CEP85L: variants seen among roughly 807,000 people sequenced by gnomAD.
The protein encoded by CEP85L is centrosomal protein 85L.
Under a neutral mutation model 100.3 loss-of-function variants are expected in CEP85L, and 60 were observed. The observed-to-expected ratio is 0.60, with a 90% CI of 0.49 to 0.74. The LOEUF (loss-of-function observed/expected upper bound fraction) is 0.74, where lower values mean the gene tolerates loss of function less well. Among genes scored for constraint, CEP85L ranks in the 30% least tolerant of loss-of-function variants. The pLI is 0.00. For synonymous variants in CEP85L, 319 were observed against 322.7 expected (o/e 0.99, Z 0.12); for missense variants, 973 against 936.2 (o/e 1.04, Z -0.51).
intron 2 of CEP85L, among the ~76,000 whole-genome samples, chr6:118,594,867 CAAACA>C (rs1562293262): frequency 1.7e-5 from 2 of 118,604 alleles, no homozygotes; most frequent in Non-Finnish European, 3.6e-5. Flanking sequence ...AAAAAAAAAA[CAAACA>C]AAACAAAACA....
chr6:118,542,597 T>C (rs1038394101), intron 3 of CEP85L, among the ~76,000 whole-genome samples: 2 of 152,100 alleles, frequency 1.3e-5, no homozygotes, highest in African/African-American at 2.4e-5. Context: ...AGATTCATTT[T>C]CTGAAAATCA....
chr6:118,501,231 C>T (rs1324536434), intron 5 of CEP85L, among the ~76,000 whole-genome samples: 1 of 152,244 alleles, frequency 6.6e-6, no homozygotes, highest in African/African-American at 2.4e-5. Context: ...TTGCCCATGT[C>T]TGACCAGGCC....
At position 118,491,821 on chromosome 6, in the gene CEP85L, T is replaced by G. The variant is rs1032866902; in HGVS notation, c.1302A>C (p.Glu434Asp). 6.2e-7 allele frequency: 1 copy of G among 1,612,820 alleles called. No homozygotes were observed. Among genetic ancestry groups the G allele is most frequent in the South Asian group, 1.1e-5 (1 of 90,714 alleles). ...CCCCTTGTTGGGAATGGGAAACTGA[T>G]TCCTCTGAAAATGGTGTCTGGAGTG... ...NTSLQTPFSE[E>D]SVSHSQQGEF... Residue 434 changes from glutamate to aspartate, a missense_variant, in exon 6 of 13, where the codon GAA becomes GAC. This residue lies in a region of CEP85L where 890 missense variants were observed against 844.5 expected (regional missense o/e 1.05). Transcript: ENST00000368491.
chr6:118,563,548 G>A (rs1475364677), intron 3 of CEP85L, among the ~76,000 whole-genome samples: 1 of 152,114 alleles, frequency 6.6e-6, no homozygotes, highest in Non-Finnish European at 1.5e-5. Flanking sequence ...CAGACGGCCT[G>A]GTCCTTATTA....
intron 2 of CEP85L, among the ~76,000 whole-genome samples, chr6:118,611,919 C>T (rs1415838651): frequency 2.6e-5 from 4 of 152,154 alleles, no homozygotes; most frequent in Admixed American, 6.5e-5. Context: ...AAACACTCCT[C>T]TTTCAACAAC....
chr6:118,647,091 T>C lies in CEP85L; in HGVS notation c.73+4106A>G, dbSNP rs147999745. The C allele has an allele frequency of 4.9e-4, 487 of 984,536 alleles. 1 individual carries two copies. The African/African-American group carries it at 7.9e-3, about 16-fold the overall frequency. 61.0% of individuals were successfully genotyped at this position (984,536 alleles called of 1,614,324 possible). ...GGTTTAGGCCAGAGTTATGTTTCAT[T>C]GTTACCACAGTATTCCTAGAAGTCC... On this transcript the variant is annotated intron_variant, in intron 1 of 12. Coordinates refer to ENST00000368491, the MANE Select transcript of CEP85L (RefSeq NM_001042475.3).
At chr6:118,490,235 A>G (rs1774467482) in intron 6 of CEP85L, among the ~76,000 whole-genome samples, 1 of 152,212 alleles carries the variant, frequency 6.6e-6, no homozygotes, top group African/African-American at 2.4e-5. Flanking sequence ...CAAAGTTTCA[A>G]TTACATAAAT....
intron 2 of CEP85L, among the ~76,000 whole-genome samples, chr6:118,628,633 CAAAA>C (rs976748987): frequency 6.7e-5 from 7 of 103,852 alleles, no homozygotes; most frequent in African/African-American, 1.5e-4. Context: ...AGACTCCATC[CAAAA>C]AAACAAACAA....
rs142840536 is a variant in CEP85L at position 118,701,067 on chromosome 6, A to T, written c.-28+8969T>A. ...AGAGACATAATCCCAAAGCCACAGG[A>T]TACAAGTCCTCCCATTCAGAGTGAT... On this transcript the variant is annotated intron_variant, in intron 1 of 13. Transcript: ENST00000368488. Among the ~76,000 whole-genome samples the T allele has an allele frequency of 2.9e-3, 438 of 152,310 alleles. 2 individuals are homozygous for T. The highest frequency in any genetic ancestry group is 1.0e-2 in the African/African-American group (415 of 41,574).
intron 2 of CEP85L, among the ~76,000 whole-genome samples, chr6:118,614,698 G>A (rs555507211): frequency 6.6e-6 from 1 of 152,244 alleles, no homozygotes; most frequent in African/African-American, 2.4e-5. Context: ...AAAAAAATTA[G>A]CTGGTGGTGG....
At chr6:118,486,628 G>C (rs25423) in intron 6 of CEP85L, among the ~76,000 whole-genome samples, 108,912 of 152,024 alleles carry the variant, frequency 0.72, 39,792 homozygotes, top group African/African-American at 0.78. Flanking sequence ...GCACTCCCTT[G>C]AAGAACTCAA....
chr6:118,698,087 A>G (rs1261869265), intron 1 of CEP85L, among the ~76,000 whole-genome samples: 2 of 152,158 alleles, frequency 1.3e-5, no homozygotes, highest in Admixed American at 1.3e-4. Context: ...TCTGGGCCCT[A>G]CTCAAAGCTG....
At chr6:118,661,688 T>G (rs1223533057) in intron 1 of CEP85L, among the ~76,000 whole-genome samples, 1 of 152,144 alleles carries the variant, frequency 6.6e-6, no homozygotes, top group Non-Finnish European at 1.5e-5. Context: ...TGTAAATATA[T>G]TATTAGTGGT....
At chr6:118,582,444 A>G (rs1780627617) in intron 2 of CEP85L, among the ~76,000 whole-genome samples, 1 of 152,232 alleles carries the variant, frequency 6.6e-6, no homozygotes, top group Non-Finnish European at 1.5e-5. Context: ...GCAGAAAAAT[A>G]TGGATATAAG....
At chr6:118,634,490 A>T (rs994262399) in intron 1 of CEP85L, among the ~76,000 whole-genome samples, 4 of 152,334 alleles carry the variant, frequency 2.6e-5, no homozygotes, top group African/African-American at 9.6e-5. Context: ...AAGCAGCCTT[A>T]AAAGCCTTAT....
At chr6:118,567,207 GTA>G (rs1423618299) in intron 2 of CEP85L, among the ~76,000 whole-genome samples, 2,902 of 45,604 alleles carry the variant, frequency 0.064, 88 homozygotes, top group African/African-American at 0.2. Context: ...GAATATATAT[GTA>G]TGTGTGTGTG....
chr6:118,469,813 G>A (rs1318317072), intron 11 of CEP85L, among the ~76,000 whole-genome samples: 1 of 152,082 alleles, frequency 6.6e-6, no homozygotes, highest in East Asian at 1.9e-4. Context: ...CATTGCCTAA[G>A]CTGGTCTCAA....
At chr6:118,662,452 C>T (rs1426763318) in intron 1 of CEP85L, among the ~76,000 whole-genome samples, 1 of 151,708 alleles carries the variant, frequency 6.6e-6, no homozygotes, top group African/African-American at 2.4e-5. Context: ...ATCGCTTGAA[C>T]CCAGGAGGCG....
At chr6:118,517,699 T>C (rs929262441) in intron 4 of CEP85L, among the ~76,000 whole-genome samples, 4 of 152,228 alleles carry the variant, frequency 2.6e-5, no homozygotes, top group Admixed American at 2.6e-4. Context: ...ACAATTTGAC[T>C]TCCTCTCTTC....
Sources: gnomAD v4.1 joint callset for allele counts (sites outside exome capture counted in the v4.1 genomes callset) on GRCh38, gnomAD v4.1.1 for gene constraint, gnomAD v4.1.1 regional missense constraint, MANE v1.5 for transcripts, NCBI Gene and HGNC (gene_info 2026-07-23, HGNC 2026-07-21) for gene names.